Variants in ANO5 observed in about 807,000 individuals in gnomAD.
The protein encoded by ANO5 is anoctamin-5.
Under a neutral mutation model 121.0 loss-of-function variants are expected in ANO5, and 109 were observed. The observed-to-expected ratio is 0.90, with a 90% CI of 0.77 to 1.06. ANO5 has a LOEUF of 1.06. Ranked by LOEUF, ANO5 falls within the 50% of genes least tolerant of loss-of-function variation. The pLI is 0.00. For missense variants in ANO5, 1,064 were observed against 1,078.5 expected, an observed-to-expected ratio of 0.99 and a Z score of 0.19; for synonymous variants, 406 against 359.9, an observed-to-expected ratio of 1.13 and a Z score of -1.45.
chr11:22,273,936 AT>A (rs147703962), intron 19 of ANO5, among the ~76,000 whole-genome samples: 3,187 of 152,038 alleles, frequency 0.021, 110 homozygotes, highest in East Asian at 0.11. Flanking sequence ...GTTACATTAG[AT>A]TTTTTTTAAA....
intron 9 of ANO5, among the ~76,000 whole-genome samples, chr11:22,245,916 T>A (rs1435556242): frequency 6.6e-6 from 1 of 152,140 alleles, no homozygotes. Context: ...GAATTTTGTG[T>A]TTCGAATTTT....
intron 3 of ANO5, among the ~76,000 whole-genome samples, chr11:22,217,816 A>G (rs1852499456): frequency 6.6e-6 from 1 of 151,312 alleles, no homozygotes; most frequent in Admixed American, 6.6e-5. Context: ...CAGGAAAAAT[A>G]ACGACTGGGT....
chr11:22,225,924 A>G (rs987506786), intron 5 of ANO5, 60 bp from the exon 6 acceptor site: 2 of 1,332,414 alleles, frequency 1.5e-6, no homozygotes, highest in Admixed American at 1.7e-5. Context: ...GAATCTGTCA[A>G]TACTGAGCAA....
At chr11:22,273,476 G>A (rs183251266) in intron 19 of ANO5, among the ~76,000 whole-genome samples, 1 of 151,996 alleles carries the variant, frequency 6.6e-6, no homozygotes, top group Non-Finnish European at 1.5e-5. Flanking sequence ...TTTTAAGTAG[G>A]CATCCTATAA....
intron 3 of ANO5, among the ~76,000 whole-genome samples, chr11:22,215,973 T>G: frequency 6.6e-6 from 1 of 151,878 alleles, no homozygotes; most frequent in Non-Finnish European, 1.5e-5. Flanking sequence ...CAAATATTAC[T>G]AATAAATTCA....
intron 2 of ANO5, 21 bp from the exon 3 acceptor site, chr11:22,211,243 A>G: frequency 1.9e-6 from 3 of 1,610,958 alleles, no homozygotes; most frequent in Non-Finnish European, 2.5e-6. Context: ...ATAGCATTAT[A>G]TCTTCCCCTG....
intron 9 of ANO5, among the ~76,000 whole-genome samples, chr11:22,243,560 T>C (rs1281169164): frequency 6.6e-6 from 1 of 152,052 alleles, no homozygotes; most frequent in African/African-American, 2.4e-5. Context: ...GGGCATTTTT[T>C]GATTGGTAGA....
intron 1 of ANO5, among the ~76,000 whole-genome samples, chr11:22,196,390 C>T (rs894986389): frequency 1.3e-5 from 2 of 152,066 alleles, no homozygotes; most frequent in African/African-American, 2.4e-5. Flanking sequence ...ATCACCTCTT[C>T]AAGGCTCTAC....
intron 13 of ANO5, among the ~76,000 whole-genome samples, chr11:22,256,129 T>C (rs1421971614): frequency 6.6e-6 from 1 of 152,182 alleles, no homozygotes; most frequent in Non-Finnish European, 1.5e-5. Context: ...ACCAGCTATA[T>C]GTTCTTGACT....
In ANO5 at chr11:22,281,416, G is replaced by C. The variant is rs942922560; in HGVS notation, c.*1651G>C. 2.0e-5 allele frequency: 3 copies of C among 152,010 alleles called. No homozygotes were observed. Among genetic ancestry groups the C allele is most frequent in the Non-Finnish European group, 2.9e-5 (2 of 67,914 alleles). The allele number at this position is 152,010 out of a possible 1,614,324, so 9.4% of individuals were successfully genotyped here. A position where few individuals can be genotyped will look rare whatever the true frequency, so the allele number is the denominator to read the frequency against. On this transcript the variant is annotated 3_prime_UTR_variant, in exon 22 of 22. Transcript: ENST00000324559. ...TGGACTGGGACTAATCCCCAGTACT[G>C]ATTTGTCATCCACTGAGTAGACTTT...
At position 22,281,019 on chromosome 11, in the gene ANO5, G is replaced by C. The variant is rs1024967910; in HGVS notation, c.*1254G>C. ...GTTGAATTATTCCTCTCAAATTTAG[G>C]CTTGTGTTACATGCACAAAAATCCT... On this transcript the variant is annotated 3_prime_UTR_variant, in exon 22 of 22. Transcript: ENST00000324559. 3 of 151,784 alleles carry C rather than the reference G, an allele frequency of 2.0e-5. No individual in the cohort carries two copies. The highest frequency in any genetic ancestry group is 6.6e-5 in the Admixed American group (1 of 15,248). 9.4% of individuals were successfully genotyped at this position (151,784 alleles called of 1,614,324 possible). A position where few individuals can be genotyped will look rare whatever the true frequency, so the allele number is the denominator to read the frequency against.
chr11:22,266,311 T>G (rs1356241256), intron 17 of ANO5, among the ~76,000 whole-genome samples: 1 of 152,150 alleles, frequency 6.6e-6, no homozygotes, highest in Non-Finnish European at 1.5e-5. Flanking sequence ...TATGCTCGTC[T>G]GTTTGATAGT....
intron 6 of ANO5, among the ~76,000 whole-genome samples, chr11:22,226,576 AT>A (rs1226866173): frequency 4.6e-5 from 7 of 152,122 alleles, no homozygotes; most frequent in African/African-American, 1.7e-4. Context: ...AAAATAAAAA[AT>A]AAAAAATTAG....
intron 1 of ANO5, among the ~76,000 whole-genome samples, chr11:22,201,653 C>T (rs1009661216): frequency 6.6e-6 from 1 of 152,134 alleles, no homozygotes; most frequent in African/African-American, 2.4e-5. Context: ...TCTGGTGAGC[C>T]CCTTCTTGCT....
At chr11:22,278,693 A>G (rs1213678672) in intron 21 of ANO5, among the ~76,000 whole-genome samples, 1 of 151,558 alleles carries the variant, frequency 6.6e-6, no homozygotes, top group East Asian at 1.9e-4. Flanking sequence ...TAGTGAGCTG[A>G]TATTTTCACT....
intron 3 of ANO5, among the ~76,000 whole-genome samples, chr11:22,212,108 G>A (rs553094796): frequency 2.0e-5 from 3 of 151,216 alleles, no homozygotes; most frequent in Non-Finnish European, 4.4e-5. Flanking sequence ...CACTCTTTAA[G>A]AAACATATGG....
intron 3 of ANO5, 142 bp from the exon 4 acceptor site, chr11:22,218,104 A>G: frequency 3.4e-5 from 6 of 175,778 alleles, no homozygotes; most frequent in Non-Finnish European, 6.5e-5. Context: ...TGTATCCTCC[A>G]GTTTGAAATA....
intron 5 of ANO5, among the ~76,000 whole-genome samples, chr11:22,222,483 A>C (rs7952092): frequency 0.69 from 105,102 of 151,748 alleles, 37,913 homozygotes; most frequent in Non-Finnish European, 0.81. Context: ...TTCGTTTTAC[A>C]TGTACAACTG....
At chr11:22,242,012 T>A (rs759974939) in intron 9 of ANO5, among the ~76,000 whole-genome samples, 2 of 152,154 alleles carry the variant, frequency 1.3e-5, no homozygotes, top group Non-Finnish European at 2.9e-5. Flanking sequence ...AGGATTTTTA[T>A]AGTTTGAGGT....
Sources: allele counts gnomAD v4.1 joint callset (sites outside exome capture counted in the v4.1 genomes callset), GRCh38; gene constraint gnomAD v4.1.1; transcripts MANE v1.5; gene names NCBI Gene and HGNC (gene_info 2026-07-23, HGNC 2026-07-21).